Variants in ZSCAN25 observed in about 807,000 individuals in gnomAD.
ZSCAN25 encodes the protein zinc finger and SCAN domain containing 25, also known as zinc finger and SCAN domain-containing protein 25.
Under a neutral mutation model 38.7 loss-of-function variants are expected in ZSCAN25, and 27 were observed. That is an observed-to-expected ratio of 0.70 (90% CI 0.51 to 0.96). The LOEUF (loss-of-function observed/expected upper bound fraction) is 0.96. ZSCAN25 is among the 40% of genes least tolerant of loss of function. ZSCAN25 has a pLI of 0.00. For synonymous variants in ZSCAN25, 273 were observed against 277.7 expected, an observed-to-expected ratio of 0.98 and a Z score of 0.17; for missense variants, 637 against 705.9, an observed-to-expected ratio of 0.90 and a Z score of 1.11.
At chr7:99,708,908 T>A in the ZSCAN25 span, 1 of 1,139,534 alleles carries the variant, frequency 8.8e-7, no homozygotes, top group Non-Finnish European at 1.3e-6. Context: ...TTTCATGATT[T>A]GAAAAAACCT....
the ZSCAN25 span, chr7:99,695,605 A>C: frequency 4.2e-6 from 3 of 713,036 alleles, no homozygotes; most frequent in Admixed American, 2.9e-5. Context: ...AAACCTTGCC[A>C]TGCTCTGGAT....
the ZSCAN25 span, chr7:99,708,061 C>T: frequency 1.3e-6 from 2 of 1,578,528 alleles, no homozygotes; most frequent in Non-Finnish European, 1.7e-6. Context: ...TAGGGCCCAC[C>T]CCTCTACTAG....
the ZSCAN25 span, chr7:99,722,295 C>A: frequency 1.2e-6 from 2 of 1,613,622 alleles, no homozygotes; most frequent in Non-Finnish European, 1.7e-6. Flanking sequence ...AGAATACTCA[C>A]CCCCAGACTT....
At chr7:99,637,054 AT>A (rs2151317863), downstream of ZSCAN25, among the ~76,000 whole-genome samples, 1 of 152,322 alleles carries the variant, frequency 6.6e-6, no homozygotes, top group South Asian at 2.1e-4. Context: ...TACCTTTTTT[AT>A]AAAACATATT....
At chr7:99,716,550 C>A in the ZSCAN25 span, among the ~76,000 whole-genome samples, 58 of 152,238 alleles carry the variant, frequency 3.8e-4, no homozygotes, top group Non-Finnish European at 6.8e-4. Flanking sequence ...GATTTGGAAA[C>A]TTCTATAGTG....
the ZSCAN25 span, among the ~76,000 whole-genome samples, chr7:99,718,716 G>T: frequency 1.3e-5 from 2 of 152,132 alleles, no homozygotes; most frequent in Admixed American, 1.3e-4. Flanking sequence ...TAAAAGAATT[G>T]TCTCTATTTT....
the ZSCAN25 span, chr7:99,679,921 T>C: frequency 6.2e-7 from 1 of 1,608,132 alleles, no homozygotes; most frequent in Non-Finnish European, 8.5e-7. Flanking sequence ...TTCAACTGTG[T>C]TCTGTGAGTC....
the ZSCAN25 span, among the ~76,000 whole-genome samples, chr7:99,710,125 C>T: frequency 6.6e-6 from 1 of 152,180 alleles, no homozygotes; most frequent in Non-Finnish European, 1.5e-5. Flanking sequence ...GCCCAAAAGC[C>T]ATGTCTCTTC....
At chr7:99,727,280 T>A in the ZSCAN25 span, among the ~76,000 whole-genome samples, 1 of 152,208 alleles carries the variant, frequency 6.6e-6, no homozygotes, top group Non-Finnish European at 1.5e-5. Flanking sequence ...GGTCATCATG[T>A]CTCTGTGCAG....
At chr7:99,619,398 C>T (rs892104687) in intron 3 of ZSCAN25, among the ~76,000 whole-genome samples, 163 bp from the exon 4 acceptor site, 7 of 152,188 alleles carry the variant, frequency 4.6e-5, no homozygotes, top group Non-Finnish European at 8.8e-5. Context: ...AGTTGCTTAG[C>T]AAATGATTAC....
At chr7:99,622,506 ACTGATCCTT>A in intron 5 of ZSCAN25, 34 bp from the exon 6 acceptor site, 1 of 1,580,418 alleles carries the variant, frequency 6.3e-7, no homozygotes, top group Non-Finnish European at 8.7e-7. Flanking sequence ...GCATAACATC[ACTGATCCTT>A]CTGATCTTTC....
At chr7:99,723,983 C>G in the ZSCAN25 span, among the ~76,000 whole-genome samples, 1 of 152,164 alleles carries the variant, frequency 6.6e-6, no homozygotes, top group Non-Finnish European at 1.5e-5. Flanking sequence ...GATCATTCAC[C>G]TTGGCACAAG....
At chr7:99,709,262 C>A in the ZSCAN25 span, 10 of 1,613,416 alleles carry the variant, frequency 6.2e-6, no homozygotes, top group East Asian at 2.2e-4. Flanking sequence ...TGGGTGGTGC[C>A]TGAAAAGAAA....
the ZSCAN25 span, among the ~76,000 whole-genome samples, chr7:99,695,176 T>C: frequency 6.6e-6 from 1 of 152,160 alleles, no homozygotes; most frequent in Non-Finnish European, 1.5e-5. Context: ...GAGTAAGAGC[T>C]GGGGTAGAGC....
chr7:99,652,155 CA>C, the ZSCAN25 span: 1 of 148,728 alleles, frequency 6.7e-6, no homozygotes, highest in African/African-American at 2.5e-5. Context: ...ATGGCATATG[CA>C]ATATATACAT....
the ZSCAN25 span, among the ~76,000 whole-genome samples, chr7:99,734,068 A>C: frequency 6.6e-6 from 1 of 152,212 alleles, no homozygotes; most frequent in African/African-American, 2.4e-5. Flanking sequence ...GAAATAGTCT[A>C]TCTCCAAAAA....
the ZSCAN25 span, chr7:99,652,388 C>A: frequency 4.0e-5 from 19 of 477,480 alleles, no homozygotes; most frequent in Non-Finnish European, 4.0e-5. Flanking sequence ...TTCGTTTTTT[C>A]TAGTCTGTGG....
At chr7:99,675,775 C>A in the ZSCAN25 span, among the ~76,000 whole-genome samples, 1 of 144,468 alleles carries the variant, frequency 6.9e-6, no homozygotes, top group Non-Finnish European at 1.5e-5. Context: ...CTCAATACAG[C>A]CTTGACTTCC....
the ZSCAN25 span, chr7:99,665,198 A>C: frequency 6.2e-7 from 1 of 1,613,948 alleles, no homozygotes; most frequent in Non-Finnish European, 8.5e-7. Flanking sequence ...TAAGAAACCA[A>C]ATTTTAGGAA....
Sources: allele counts gnomAD v4.1 joint callset (sites outside exome capture counted in the v4.1 genomes callset), GRCh38; gene constraint gnomAD v4.1.1; transcripts MANE v1.5; gene names NCBI Gene and HGNC (gene_info 2026-07-23, HGNC 2026-07-21).